The following MYOM2 variants were observed in gnomAD, a reference collection of about 807,000 sequenced individuals.
MYOM2 encodes myomesin 2, also known as myomesin-2.
A neutral mutation model predicts 187.6 loss-of-function variants in MYOM2; 254 were observed. That is an observed-to-expected ratio of 1.35 (90% CI 1.22 to 1.50). The LOEUF (loss-of-function observed/expected upper bound fraction) is 1.50, where lower values mean the gene tolerates loss of function less well. Ranked by LOEUF, MYOM2 falls within the 40% of genes most tolerant of loss-of-function variation. The pLI, the probability that MYOM2 is intolerant of heterozygous loss-of-function variation, is 0.00. For synonymous variants in MYOM2, 981 were observed against 753.8 expected, an observed-to-expected ratio of 1.30 and a Z score of -4.94; for missense variants, 2,796 against 1,924.0, an observed-to-expected ratio of 1.45 and a Z score of -8.48.
At position 2,057,313 on chromosome 8, in the gene MYOM2, C is replaced by G. The variant is rs1158373830; in HGVS notation, c.264-35C>G. 1.9e-6 allele frequency: 3 copies of G among 1,579,134 alleles called. No individual in the cohort carries two copies. In the East Asian group the frequency reaches 6.8e-5, roughly 36 times the overall value. On this transcript the variant is annotated intron_variant, in intron 3 of 36. Transcript: ENST00000262113. ...GGGGGCCACGTGGTTTTCTTCGTGA[C>G]TCCTGCAACTGAGGCTGCTTCTCGG...
intron 28 of MYOM2, among the ~76,000 whole-genome samples, chr8:2,122,212 TAG>T (rs1797481952): frequency 6.6e-6 from 1 of 152,250 alleles, no homozygotes; most frequent in South Asian, 2.1e-4. Context: ...AATCGTCTGC[TAG>T]AGTCGTGGAG....
chr8:2,119,585 G>C (rs1463646915), intron 28 of MYOM2: 1 of 152,232 alleles, frequency 6.6e-6, no homozygotes, highest in Admixed American at 6.5e-5. Context: ...GGGCTGAGGA[G>C]ATGGGACACA....
Position 2,057,455 on chromosome 8 carries a change from A to G in MYOM2, c.371A>G (p.Asp124Gly), listed in dbSNP as rs972168653. The part of the protein sequence containing the change: ...DVHLARSQAR[D>G]KLDKYAIQQM... ...CACCTGGCACGCTCCCAGGCCCGCGACAAGCTGGACAAATACGCCATTCAG... is the reference window on the plus strand; with the variant it reads ...CACCTGGCACGCTCCCAGGCCCGCGGCAAGCTGGACAAATACGCCATTCAG... Residue 124 changes from aspartate to glycine, a missense_variant, in exon 4 of 37, where the codon GAC becomes GGC. Transcript: ENST00000262113. 1 of 1,614,052 alleles carries G rather than the reference A, an allele frequency of 6.2e-7. No individual in the cohort carries two copies. Among genetic ancestry groups the G allele is most frequent in the Non-Finnish European group, 8.5e-7 (1 of 1,179,974 alleles).
At chr8:2,134,303 G>A (rs1438247202) in intron 32 of MYOM2, among the ~76,000 whole-genome samples, 2 of 152,128 alleles carry the variant, frequency 1.3e-5, no homozygotes, top group Non-Finnish European at 2.9e-5. Context: ...CAGTCACTCG[G>A]AAGCACGCCC....
At position 2,073,403 on chromosome 8, in the gene MYOM2, C is replaced by T; in HGVS notation, c.1023C>T (p.Ser341=). The T allele has an allele frequency of 6.2e-7, 1 of 1,613,366 alleles. No homozygotes were observed. Among genetic ancestry groups the T allele is most frequent in the Non-Finnish European group, 8.5e-7 (1 of 1,179,792 alleles). The change falls in exon 10 of 37, where the codon TCC becomes TCT. Residue 341 remains serine, a synonymous_variant. Coordinates refer to ENST00000262113, the MANE Select transcript of MYOM2 (RefSeq NM_003970.4). Reference sequence around the variant, plus strand: ...TTGGAGAAGGCCAGGCCTCCCTGTCCTTCAGCCACCTGCACAAGGACGACG... The same window carrying T: ...TTGGAGAAGGCCAGGCCTCCCTGTCTTTCAGCCACCTGCACAAGGACGACG... ...MFFGEGQASL[S]FSHLHKDDEG...
intron 32 of MYOM2, among the ~76,000 whole-genome samples, chr8:2,140,167 T>C (rs1026489314): frequency 1.3e-5 from 2 of 152,228 alleles, no homozygotes; most frequent in Non-Finnish European, 2.9e-5. Flanking sequence ...TTTGTCTCTT[T>C]GTGACAGGCT....
At chr8:2,062,991 A>G (rs1195770808) in intron 6 of MYOM2, among the ~76,000 whole-genome samples, 1 of 152,182 alleles carries the variant, frequency 6.6e-6, no homozygotes, top group Non-Finnish European at 1.5e-5. Flanking sequence ...CCGGAATACC[A>G]CAAGTCAATG....
chr8:2,131,843 C>A (rs1285053871), intron 32 of MYOM2, among the ~76,000 whole-genome samples: 1 of 151,952 alleles, frequency 6.6e-6, no homozygotes. Context: ...TGGGGTTTCA[C>A]CGTGTTAGCC....
At chr8:2,045,484 T>C (rs1374843086) in intron 1 of MYOM2, among the ~76,000 whole-genome samples, 4 of 152,160 alleles carry the variant, frequency 2.6e-5, no homozygotes, top group Non-Finnish European at 5.9e-5. Flanking sequence ...GGCCCCCCAG[T>C]CAGTGGACTG....
chr8:2,057,749 G>T lies in MYOM2; in HGVS notation c.529G>T (p.Val177Leu), dbSNP rs139084687. ...ERMSVKLCFT[V>L]QGFPTPVVQW... is the part of the protein sequence containing the mutation. ...GATGTCTGTGAAACTCTGCTTCACCGTGCAAGGATTTCCCACGCCCGTGGT... is the reference window on the plus strand; with the variant it reads ...GATGTCTGTGAAACTCTGCTTCACCTTGCAAGGATTTCCCACGCCCGTGGT... Residue 177 changes from valine to leucine, a missense_variant, in exon 5 of 37, where the codon GTG becomes TTG. Physicochemically the swap from Val to Leu is conservative, Grantham distance 32 (BLOSUM62 1). Transcript: ENST00000262113. 4 of 1,613,982 alleles carry T rather than the reference G, an allele frequency of 2.5e-6. No individual in the cohort carries two copies. The highest frequency in any genetic ancestry group is 1.1e-5 in the South Asian group (1 of 91,080).
chr8:2,139,195 C>T (rs1019680287), intron 32 of MYOM2, among the ~76,000 whole-genome samples: 16 of 152,196 alleles, frequency 1.1e-4, no homozygotes, highest in African/African-American at 1.9e-4. Context: ...GGCCGGAGTG[C>T]GGTGGTGTGA....
At chr8:2,072,599 T>C in intron 9 of MYOM2, 90 bp downstream of exon 9, 5 of 1,435,510 alleles carry the variant, frequency 3.5e-6, no homozygotes, top group Non-Finnish European at 4.7e-6. Context: ...GTGGCTTTTG[T>C]CTCTACCACT....
At chr8:2,118,419 A>G (rs1797318020) in intron 28 of MYOM2, among the ~76,000 whole-genome samples, 3 of 152,232 alleles carry the variant, frequency 2.0e-5, no homozygotes, top group Admixed American at 1.3e-4. Context: ...TCAATTTAAT[A>G]ACTGCCTACT....
intron 6 of MYOM2, among the ~76,000 whole-genome samples, chr8:2,067,938 C>A (rs1819071513): frequency 6.6e-6 from 1 of 152,042 alleles, no homozygotes; most frequent in African/African-American, 2.4e-5. Context: ...GTTGTAGAAT[C>A]TGCTTTTGGA....
chr8:2,145,436 C>G lies in MYOM2; in HGVS notation c.*455C>G, dbSNP rs904272489. 1 of 191,748 alleles carries G rather than the reference C, an allele frequency of 5.2e-6. No homozygotes were observed. The highest frequency in any genetic ancestry group is 1.0e-5 in the Non-Finnish European group (1 of 95,944). The allele number at this position is 191,748 out of a possible 1,614,324, so 11.9% of individuals were successfully genotyped here. Reference sequence around the variant, plus strand: ...TAAGCTTGTTTTCTCTTGCTTTAGGCAAATAAAAGTTTAAAAATCACCTTG... The same window carrying G: ...TAAGCTTGTTTTCTCTTGCTTTAGGGAAATAAAAGTTTAAAAATCACCTTG... On this transcript the variant is annotated 3_prime_UTR_variant, in exon 37 of 37. Coordinates refer to ENST00000262113, the MANE Select transcript of MYOM2 (RefSeq NM_003970.4).
At position 2,106,819 on chromosome 8, in the gene MYOM2, TGTATA is replaced by T. The variant is rs140457048; in HGVS notation, c.2998+224_2998+228del. 2.4e-3 allele frequency among the ~76,000 whole-genome samples: 364 copies of T among 152,344 alleles called. 2 individuals carry two copies. Among genetic ancestry groups the T allele is most frequent in the African/African-American group, 8.6e-3 (358 of 41,586 alleles). On this transcript the variant is annotated intron_variant, in intron 23 of 36. Coordinates refer to ENST00000262113, the MANE Select transcript of MYOM2 (RefSeq NM_003970.4). ...TAGTCTCTGGTCCTGATATATTGCTTGTATAGCCTTCAATTTGTACTTTTAAAGTT... is the reference window on the plus strand; with the variant it reads ...TAGTCTCTGGTCCTGATATATTGCTTGCCTTCAATTTGTACTTTTAAAGTT...
intron 3 of MYOM2, among the ~76,000 whole-genome samples, chr8:2,056,430 C>T (rs1585824066): frequency 6.6e-6 from 1 of 152,120 alleles, no homozygotes; most frequent in African/African-American, 2.4e-5. Flanking sequence ...CAGAGCATCT[C>T]AGAGCATGGA....
At chr8:2,138,112 C>T (rs1220444975) in intron 32 of MYOM2, among the ~76,000 whole-genome samples, 2 of 152,374 alleles carry the variant, frequency 1.3e-5, no homozygotes, top group African/African-American at 4.8e-5. Flanking sequence ...TAATAGCGAC[C>T]TGCTGTGAGC....
chr8:2,102,235 CA>C (rs1366612662), intron 20 of MYOM2: 1 of 155,352 alleles, frequency 6.4e-6, no homozygotes, highest in Non-Finnish European at 1.4e-5. Flanking sequence ...GATGTTTATC[CA>C]AGCAGGTTTT....
Sources: gnomAD v4.1 joint callset for allele counts (sites outside exome capture counted in the v4.1 genomes callset) on GRCh38, gnomAD v4.1.1 for gene constraint, MANE v1.5 for transcripts, NCBI Gene and HGNC (gene_info 2026-07-23, HGNC 2026-07-21) for gene names.